The following UBE2E2 variants were observed in gnomAD, a reference collection of about 807,000 sequenced individuals.
UBE2E2 encodes ubiquitin-conjugating enzyme E2 E2.
UBE2E2 carries 6 observed loss-of-function variants against 24.7 expected under a neutral mutation model. That is an observed-to-expected ratio of 0.24 (90% CI 0.13 to 0.48). The LOEUF is 0.48. UBE2E2 is among the 20% of genes least tolerant of loss of function. The pLI, the probability that UBE2E2 is intolerant of heterozygous loss-of-function variation, is 0.99. For synonymous variants in UBE2E2, 104 were observed against 83.6 expected (o/e 1.24, Z -1.33); for missense variants, 169 against 245.0 (o/e 0.69, Z 2.07).
At chr3:23,582,737 A>T (rs938618108) in intron 5 of UBE2E2, among the ~76,000 whole-genome samples, 12 of 151,904 alleles carry the variant, frequency 7.9e-5, no homozygotes, top group Middle Eastern at 3.4e-3. Context: ...CCCACCTTTT[A>T]ATGGGGTTCG....
At chr3:23,370,419 T>G (rs1696372779) in intron 3 of UBE2E2, among the ~76,000 whole-genome samples, 1 of 152,224 alleles carries the variant, frequency 6.6e-6, no homozygotes, top group Non-Finnish European at 1.5e-5. Flanking sequence ...TTTTAAGTAA[T>G]TAAACATTGT....
intron 4 of UBE2E2, among the ~76,000 whole-genome samples, chr3:23,529,607 T>G (rs773271850): frequency 6.6e-6 from 1 of 152,212 alleles, no homozygotes; most frequent in Non-Finnish European, 1.5e-5. Context: ...AGTTTCATCA[T>G]TTTTCAAGTG....
At chr3:23,571,299 T>C (rs886378215) in intron 5 of UBE2E2, among the ~76,000 whole-genome samples, 2 of 111,442 alleles carry the variant, frequency 1.8e-5, no homozygotes, top group Admixed American at 1.9e-4. Context: ...TTTTTTTTTT[T>C]TTTTTTTTGA....
intron 5 of UBE2E2, among the ~76,000 whole-genome samples, chr3:23,556,175 T>C (rs1695777600): frequency 7.0e-6 from 1 of 142,514 alleles, no homozygotes; most frequent in South Asian, 2.3e-4. Flanking sequence ...AGATGGAGTC[T>C]TGCTCTTTTG....
chr3:23,311,640 C>G (rs1243226717), intron 3 of UBE2E2, among the ~76,000 whole-genome samples: 1 of 152,188 alleles, frequency 6.6e-6, no homozygotes, highest in East Asian at 1.9e-4. Context: ...TGAACTAAAT[C>G]ATTTCCAGTG....
At chr3:23,500,749 G>A (rs1222427160) in intron 4 of UBE2E2, among the ~76,000 whole-genome samples, 1 of 151,918 alleles carries the variant, frequency 6.6e-6, no homozygotes, top group Non-Finnish European at 1.5e-5. Context: ...TTCCATTGAT[G>A]CTTAGATAGT....
Position 23,246,345 on chromosome 3 carries a change from T to C in UBE2E2, c.227+29033T>C, listed in dbSNP as rs1042874935. ...ACGCCATTGACCTGCCTCAGCCTCC[T>C]GAGTAGCTGGGACTACAGGCGCCCG... On this transcript the variant is annotated intron_variant, in intron 3 of 5. Coordinates refer to ENST00000396703, the MANE Select transcript of UBE2E2 (RefSeq NM_152653.4). Among the ~76,000 whole-genome samples, 405 of 148,648 alleles carry C rather than the reference T, an allele frequency of 2.7e-3. 2 individuals carry two copies. Among genetic ancestry groups the C allele is most frequent in the African/African-American group, 9.7e-3 (393 of 40,308 alleles).
At chr3:23,306,906 A>G (rs1699249997) in intron 3 of UBE2E2, among the ~76,000 whole-genome samples, 1 of 152,328 alleles carries the variant, frequency 6.6e-6, no homozygotes, top group South Asian at 2.1e-4. Flanking sequence ...ATTATTAAAC[A>G]TTAATTCAGC....
intron 3 of UBE2E2, among the ~76,000 whole-genome samples, chr3:23,470,453 G>A (rs1022283254): frequency 6.6e-6 from 1 of 152,064 alleles, no homozygotes. Flanking sequence ...CTAACATTTA[G>A]GATTTTGGTT....
At chr3:23,572,937 T>A (rs1335721340) in intron 5 of UBE2E2, among the ~76,000 whole-genome samples, 1 of 152,184 alleles carries the variant, frequency 6.6e-6, no homozygotes, top group Admixed American at 6.5e-5. Flanking sequence ...TAGTTTTGTT[T>A]TGATGACATT....
intron 5 of UBE2E2, among the ~76,000 whole-genome samples, chr3:23,544,026 C>T (rs553381621): frequency 1.3e-5 from 2 of 152,274 alleles, no homozygotes; most frequent in South Asian, 4.1e-4. Context: ...AAGAATGAAA[C>T]TTGATTCCTG....
At chr3:23,505,880 A>T (rs17013383) in intron 4 of UBE2E2, among the ~76,000 whole-genome samples, 4,396 of 152,266 alleles carry the variant, frequency 0.029, 107 homozygotes, top group East Asian at 0.13. Flanking sequence ...CCTTAAATTG[A>T]CAGGTCATGG....
chr3:23,308,957 A>G (rs1699306260), intron 3 of UBE2E2, among the ~76,000 whole-genome samples: 1 of 152,230 alleles, frequency 6.6e-6, no homozygotes, highest in African/African-American at 2.4e-5. Flanking sequence ...CTGATGTCCA[A>G]GCACAGGTGG....
chr3:23,312,810 A>C (rs896126921), intron 3 of UBE2E2, among the ~76,000 whole-genome samples: 1 of 152,058 alleles, frequency 6.6e-6, no homozygotes, highest in African/African-American at 2.4e-5. Flanking sequence ...CATTTGTTTC[A>C]AGAAAGTTTT....
chr3:23,306,443 A>G (rs1394280868), intron 3 of UBE2E2, among the ~76,000 whole-genome samples: 1 of 152,172 alleles, frequency 6.6e-6, no homozygotes, highest in East Asian at 1.9e-4. Flanking sequence ...CCATGCATTC[A>G]TTGTGTTTGT....
At chr3:23,550,138 A>T (rs922873688) in intron 5 of UBE2E2, among the ~76,000 whole-genome samples, 16 of 152,100 alleles carry the variant, frequency 1.1e-4, no homozygotes, top group African/African-American at 3.6e-4. Flanking sequence ...TACTTTCTAT[A>T]AAAAAACTAG....
intron 3 of UBE2E2, among the ~76,000 whole-genome samples, chr3:23,489,047 C>G (rs992009693): frequency 3.3e-5 from 5 of 152,026 alleles, no homozygotes; most frequent in African/African-American, 1.2e-4. Context: ...CTTCAGTCTT[C>G]GTATCTAATT....
Position 23,562,053 on chromosome 3 carries a change from C to A in UBE2E2, c.509-27681C>A, listed in dbSNP as rs145453866. The stretch of plus-strand genomic sequence containing the variant: ...ACTTCCTCTTTTCCTAATTGAATAC[C>A]CTTTATTTCTTTCTCCTGCCTAATT... On this transcript the variant is annotated intron_variant, in intron 5 of 5. Transcript: ENST00000396703. Among the ~76,000 whole-genome samples the A allele has an allele frequency of 5.2e-3, 786 of 152,144 alleles. 5 individuals are homozygous for A. The highest frequency in any genetic ancestry group is 0.017 in the African/African-American group (726 of 41,522).
rs1362281580 is a variant in UBE2E2 at position 23,543,634 on chromosome 3, C to G, written c.508+10933C>G. On this transcript the variant is annotated intron_variant, in intron 5 of 5. Coordinates refer to ENST00000396703, the MANE Select transcript of UBE2E2 (RefSeq NM_152653.4). ...GGAAGAGTCAATATTGTGAAAATGA[C>G]CATACTGCCCAAAGCAATCTACAGA... 2.0e-5 allele frequency among the ~76,000 whole-genome samples: 3 copies of G among 151,824 alleles called. No individual in the cohort carries two copies. The East Asian group carries it at 5.8e-4, about 29-fold the overall frequency.
Sources: gnomAD v4.1 joint callset for allele counts (sites outside exome capture counted in the v4.1 genomes callset) on GRCh38, gnomAD v4.1.1 for gene constraint, MANE v1.5 for transcripts, NCBI Gene and HGNC (gene_info 2026-07-23, HGNC 2026-07-21) for gene names.